The following EDIL3 variants were observed in gnomAD, a reference collection of about 807,000 sequenced individuals.
The protein encoded by EDIL3 is EGF-like repeat and discoidin I-like domain-containing protein 3.
In EDIL3, 37 loss-of-function variants were observed where a neutral mutation model predicts 67.4. The ratio of observed to expected loss-of-function variants is 0.55; its 90% CI spans 0.42 to 0.72. The LOEUF (loss-of-function observed/expected upper bound fraction) is 0.72. Ranked by LOEUF, EDIL3 falls within the 30% of genes least tolerant of loss-of-function variation. EDIL3 has a pLI of 0.00. For synonymous variants in EDIL3, 195 were observed against 196.3 expected (o/e 0.99, Z 0.05); for missense variants, 527 against 586.3 (o/e 0.90, Z 1.04).
At chr5:84,359,139 TAAGA>T (rs1184592868) in intron 1 of EDIL3, among the ~76,000 whole-genome samples, 1 of 152,204 alleles carries the variant, frequency 6.6e-6, no homozygotes, top group Non-Finnish European at 1.5e-5. Flanking sequence ...GTTTTCAGTC[TAAGA>T]TAGTTTAAAT....
intron 2 of EDIL3, among the ~76,000 whole-genome samples, chr5:84,253,279 G>A (rs1745067582): frequency 3.3e-5 from 5 of 152,132 alleles, no homozygotes. Context: ...TTCCTATAAT[G>A]AACAGATATA....
At chr5:84,090,768 A>G (rs1038891740) in intron 6 of EDIL3, among the ~76,000 whole-genome samples, 1 of 151,844 alleles carries the variant, frequency 6.6e-6, no homozygotes, top group Non-Finnish European at 1.5e-5. Flanking sequence ...CAACATGGTG[A>G]AACCTTATCT....
In EDIL3 at chr5:84,218,002, A is replaced by G. The variant is rs184497776; in HGVS notation, c.226+11853T>C. 9.8e-4 allele frequency among the ~76,000 whole-genome samples: 149 copies of G among 152,308 alleles called. 1 individual carries two copies. The Middle Eastern group carries it at 0.031, about 31-fold the overall frequency. On this transcript the variant is annotated intron_variant, in intron 3 of 10. Transcript: ENST00000296591. Reference sequence around the variant, plus strand: ...ATCTAAGTATTCATAATTCAAAATGAAAAGAAAATCATGAAATTTCAGAAG... The same window carrying G: ...ATCTAAGTATTCATAATTCAAAATGGAAAGAAAATCATGAAATTTCAGAAG...
intron 5 of EDIL3, 41 bp downstream of exon 5, chr5:84,137,200 C>A: frequency 7.1e-7 from 1 of 1,411,818 alleles, no homozygotes; most frequent in Non-Finnish European, 9.9e-7. Flanking sequence ...CACACACACA[C>A]ACACACACAC....
At chr5:84,141,932 T>TAC (rs1561443790) in intron 4 of EDIL3, among the ~76,000 whole-genome samples, 15 of 97,222 alleles carry the variant, frequency 1.5e-4, no homozygotes, top group East Asian at 9.3e-4. Context: ...TACACATATA[T>TAC]ATATATATAT....
intron 1 of EDIL3, among the ~76,000 whole-genome samples, chr5:84,331,383 T>G (rs1357578765): frequency 6.6e-6 from 1 of 152,102 alleles, no homozygotes; most frequent in African/African-American, 2.4e-5. Context: ...ATAATCCCCA[T>G]ATGTTGTGGG....
At chr5:84,231,418 A>G (rs1370320580) in intron 2 of EDIL3, among the ~76,000 whole-genome samples, 4 of 152,218 alleles carry the variant, frequency 2.6e-5, no homozygotes, top group Non-Finnish European at 5.9e-5. Context: ...ATTATATGAC[A>G]CAAGCCAGTC....
intron 4 of EDIL3, among the ~76,000 whole-genome samples, chr5:84,155,771 A>G (rs1748479930): frequency 6.6e-6 from 1 of 152,102 alleles, no homozygotes; most frequent in Non-Finnish European, 1.5e-5. Context: ...TATTTTCTTT[A>G]TGATCCTAAT....
intron 9 of EDIL3, among the ~76,000 whole-genome samples, chr5:84,038,651 T>G (rs974737): frequency 0.12 from 17,954 of 152,132 alleles, 1,664 homozygotes; most frequent in African/African-American, 0.25. Context: ...GGTGCTGTTG[T>G]TGGTGGTGGG....
chr5:83,951,907 C>T (rs1459629621), intron 10 of EDIL3, among the ~76,000 whole-genome samples: 1 of 151,750 alleles, frequency 6.6e-6, no homozygotes, highest in Admixed American at 6.6e-5. Context: ...TTGTCTATTA[C>T]TGGCAAGCTG....
chr5:84,176,202 T>TATATATATATATATATATATAAA (rs1554071671), intron 4 of EDIL3, among the ~76,000 whole-genome samples: 1 of 10,100 alleles, frequency 9.9e-5, no homozygotes, highest in Non-Finnish European at 1.8e-4. Context: ...ATATATAATA[T>TATATATATATATATATATATAAA]ATATATATAT....
chr5:84,009,932 C>T (rs1396288404), intron 9 of EDIL3, among the ~76,000 whole-genome samples: 2 of 152,210 alleles, frequency 1.3e-5, no homozygotes, highest in African/African-American at 2.4e-5. Flanking sequence ...GGCAAGTTGC[C>T]TGCAAAAGTT....
intron 9 of EDIL3, among the ~76,000 whole-genome samples, chr5:83,964,196 CTT>C (rs1220244333): frequency 3.3e-5 from 5 of 151,840 alleles, no homozygotes; most frequent in Non-Finnish European, 5.9e-5. Context: ...GGTATTTTCC[CTT>C]TTTTTCTTTA....
At position 83,972,899 on chromosome 5, in the gene EDIL3, T is replaced by C. The variant is rs552837264; in HGVS notation, c.1138-9539A>G. 8.5e-5 allele frequency among the ~76,000 whole-genome samples: 13 copies of C among 152,238 alleles called. No individual in the cohort carries two copies. In the South Asian group the frequency reaches 2.7e-3, roughly 32 times the overall value. On this transcript the variant is annotated intron_variant, in intron 9 of 10. Transcript: ENST00000296591. ...ATAATATCCTGTATGCATTTTATTTTGAAATTGTTCTGAAAAAATAATTCT... is the reference window on the plus strand; with the variant it reads ...ATAATATCCTGTATGCATTTTATTTCGAAATTGTTCTGAAAAAATAATTCT...
intron 3 of EDIL3, among the ~76,000 whole-genome samples, chr5:84,184,438 G>GAA (rs1396375259): frequency 6.6e-6 from 1 of 152,214 alleles, no homozygotes; most frequent in African/African-American, 2.4e-5. Context: ...AATATGTGAT[G>GAA]AAAAGTAGCT....
chr5:84,062,214 A>C (rs1745669884), intron 8 of EDIL3, among the ~76,000 whole-genome samples: 1 of 152,094 alleles, frequency 6.6e-6, no homozygotes, highest in Non-Finnish European at 1.5e-5. Context: ...AGAAAATTCT[A>C]ACAGGCTTAA....
intron 5 of EDIL3, among the ~76,000 whole-genome samples, chr5:84,112,842 A>G (rs563751997): frequency 2.6e-5 from 4 of 152,216 alleles, no homozygotes; most frequent in Non-Finnish European, 5.9e-5. Context: ...AGAGGGAATT[A>G]CTTCTAAAAA....
At chr5:84,231,150 A>G (rs1326178562) in intron 2 of EDIL3, among the ~76,000 whole-genome samples, 2 of 152,314 alleles carry the variant, frequency 1.3e-5, no homozygotes, top group Admixed American at 1.3e-4. Context: ...AACTCATACA[A>G]GTGTGAATCT....
chr5:84,249,617 T>G (rs1296430269), intron 2 of EDIL3, among the ~76,000 whole-genome samples: 1 of 152,184 alleles, frequency 6.6e-6, no homozygotes, highest in Non-Finnish European at 1.5e-5. Context: ...TAAGATTTTA[T>G]TTGTTTAAAA....
Sources: allele counts gnomAD v4.1 joint callset (sites outside exome capture counted in the v4.1 genomes callset), GRCh38; gene constraint gnomAD v4.1.1; transcripts MANE v1.5; gene names NCBI Gene and HGNC (gene_info 2026-07-23, HGNC 2026-07-21).